PPP6R3: variants seen among roughly 807,000 people sequenced by gnomAD.
PPP6R3 encodes the protein protein phosphatase 6 regulatory subunit 3.
PPP6R3 carries 38 observed loss-of-function variants against 110.7 expected under a neutral mutation model. The ratio of observed to expected loss-of-function variants is 0.34; its 90% CI spans 0.26 to 0.45. PPP6R3 has a LOEUF of 0.45. Among genes scored for constraint, PPP6R3 ranks in the 20% least tolerant of loss-of-function variants. The probability of loss-of-function intolerance (pLI) is 1.00; values close to 1 mark genes in which losing one functional copy is unlikely to be tolerated. For missense variants in PPP6R3, 870 were observed against 1,062.4 expected (o/e 0.82, Z 2.52); for synonymous variants, 369 against 373.5 (o/e 0.99, Z 0.14).
At chr11:68,462,811 T>C (rs563820290) in intron 1 of PPP6R3, among the ~76,000 whole-genome samples, 1 of 152,326 alleles carries the variant, frequency 6.6e-6, no homozygotes, top group African/African-American at 2.4e-5. Flanking sequence ...TTGTGTTTAC[T>C]TGGGACTTGG....
At chr11:68,590,614 T>C (rs775104244) in intron 16 of PPP6R3, 46 bp from the exon 17 acceptor site, 118 of 1,507,732 alleles carry the variant, frequency 7.8e-5, no homozygotes, top group Non-Finnish European at 1.0e-4. Context: ...TTCTGTGAGC[T>C]GATAGTAATT....
At chr11:68,496,517 G>T (rs1210334702) in intron 1 of PPP6R3, among the ~76,000 whole-genome samples, 6 of 152,036 alleles carry the variant, frequency 3.9e-5, no homozygotes, top group Non-Finnish European at 7.3e-5. Context: ...CTGTCACCCA[G>T]GCTGGAGTGC....
intron 20 of PPP6R3, 151 bp downstream of exon 20, chr11:68,600,645 T>G: frequency 4.8e-6 from 4 of 842,038 alleles, no homozygotes; most frequent in Non-Finnish European, 7.1e-6. Context: ...CTAACACAGC[T>G]CTGTGTTGTA....
chr11:68,496,284 C>T, intron 1 of PPP6R3, among the ~76,000 whole-genome samples: 1 of 151,766 alleles, frequency 6.6e-6, no homozygotes, highest in African/African-American at 2.4e-5. Flanking sequence ...CCTTGGCTTC[C>T]CAAAGTTGTT....
intron 1 of PPP6R3, among the ~76,000 whole-genome samples, chr11:68,472,241 G>A (rs2098797309): frequency 6.6e-6 from 1 of 152,168 alleles, no homozygotes; most frequent in Non-Finnish European, 1.5e-5. Context: ...GGAAGGGAAG[G>A]CGTGCAGACG....
intron 1 of PPP6R3, among the ~76,000 whole-genome samples, chr11:68,480,309 C>T (rs2153372568): frequency 1.3e-5 from 2 of 152,290 alleles, no homozygotes; most frequent in South Asian, 4.2e-4. Flanking sequence ...CTTTGTCTGC[C>T]ATGCTCTAAT....
At chr11:68,507,302 G>A (rs1370750329) in intron 1 of PPP6R3, among the ~76,000 whole-genome samples, 2 of 137,428 alleles carry the variant, frequency 1.5e-5, no homozygotes, top group African/African-American at 5.5e-5. Flanking sequence ...TAGAAGTCTT[G>A]GTGTTCCTAC....
intron 1 of PPP6R3, among the ~76,000 whole-genome samples, chr11:68,504,900 A>C (rs982685149): frequency 6.6e-6 from 1 of 152,198 alleles, no homozygotes; most frequent in Non-Finnish European, 1.5e-5. Context: ...CAGTAGACCA[A>C]ATCAGCCTCC....
At chr11:68,494,781 A>G (rs922991827) in intron 1 of PPP6R3, among the ~76,000 whole-genome samples, 2 of 152,046 alleles carry the variant, frequency 1.3e-5, no homozygotes, top group African/African-American at 4.8e-5. Flanking sequence ...ACTTCATGTC[A>G]TTGCTCCTCT....
rs564053626 is a variant in PPP6R3, at chr11:68,594,044, G to C, written c.1917-2053G>C. Among the ~76,000 whole-genome samples, 28 of 152,096 alleles carry C rather than the reference G, an allele frequency of 1.8e-4. No individual in the cohort carries two copies. The South Asian group carries it at 5.8e-3, about 32-fold the overall frequency. On this transcript the variant is annotated intron_variant, in intron 18 of 23. Transcript: ENST00000393800. ...AAATGATTTAAATACAAAGAAACAAGTATATATGAAAACACAAAAAAGAAC... is the reference window on the plus strand; with the variant it reads ...AAATGATTTAAATACAAAGAAACAACTATATATGAAAACACAAAAAAGAAC...
chr11:68,593,861 A>G (rs966039601), intron 18 of PPP6R3, among the ~76,000 whole-genome samples: 2 of 152,274 alleles, frequency 1.3e-5, no homozygotes, highest in East Asian at 3.9e-4. Context: ...TCTACAAAAA[A>G]TACAAAAATT....
At chr11:68,482,372 C>CCAGT (rs1279150361) in intron 1 of PPP6R3, among the ~76,000 whole-genome samples, 2 of 151,248 alleles carry the variant, frequency 1.3e-5, no homozygotes, top group African/African-American at 4.9e-5. Flanking sequence ...CAAGATCATG[C>CCAGT]CAGTGCATTC....
At chr11:68,542,389 G>GGTTTTTTTTTTTT (rs1555132283) in intron 3 of PPP6R3, among the ~76,000 whole-genome samples, 1 of 40,188 alleles carries the variant, frequency 2.5e-5, no homozygotes, top group Non-Finnish European at 4.1e-5. Context: ...AGAAGCTGCT[G>GGTTTTTTTTTTTT]TTTTTTTTTT....
At chr11:68,569,181 T>C (rs191128187) in intron 10 of PPP6R3, among the ~76,000 whole-genome samples, 4 of 152,148 alleles carry the variant, frequency 2.6e-5, no homozygotes, top group Non-Finnish European at 5.9e-5. Context: ...CTTTGTATGT[T>C]TGTTGTTGGT....
chr11:68,577,289 T>C, intron 14 of PPP6R3, among the ~76,000 whole-genome samples: 1 of 152,196 alleles, frequency 6.6e-6, no homozygotes, highest in South Asian at 2.1e-4. Flanking sequence ...TTGAGTGTTC[T>C]GGATAATCAG....
intron 14 of PPP6R3, among the ~76,000 whole-genome samples, chr11:68,578,137 T>C (rs978425766): frequency 6.6e-6 from 1 of 152,152 alleles, no homozygotes; most frequent in Non-Finnish European, 1.5e-5. Flanking sequence ...TTAATATGCT[T>C]ATATAGTAGG....
intron 2 of PPP6R3, among the ~76,000 whole-genome samples, chr11:68,527,260 A>G (rs904947954): frequency 1.3e-5 from 2 of 152,190 alleles, no homozygotes; most frequent in Non-Finnish European, 2.9e-5. Flanking sequence ...CGTAGAGGCC[A>G]TTGCAAGGCA....
intron 1 of PPP6R3, among the ~76,000 whole-genome samples, chr11:68,491,510 T>C (rs1251997352): frequency 6.6e-6 from 1 of 151,944 alleles, no homozygotes; most frequent in Non-Finnish European, 1.5e-5. Context: ...TGCCCAGCTA[T>C]TTTTTTAAAA....
intron 1 of PPP6R3, among the ~76,000 whole-genome samples, chr11:68,470,240 T>TG (rs1184424110): frequency 6.6e-6 from 1 of 151,838 alleles, no homozygotes; most frequent in African/African-American, 2.4e-5. Flanking sequence ...AGGTGGGGTG[T>TG]GGGGGAGTGC....
Sources: gnomAD v4.1 joint callset for allele counts (sites outside exome capture counted in the v4.1 genomes callset) on GRCh38, gnomAD v4.1.1 for gene constraint, MANE v1.5 for transcripts, NCBI Gene and HGNC (gene_info 2026-07-23, HGNC 2026-07-21) for gene names.